Variants in CRY2 observed in about 807,000 individuals in gnomAD.
The protein encoded by CRY2 is cryptochrome circadian regulator 2.
A neutral mutation model predicts 69.5 loss-of-function variants in CRY2; 31 were observed. The ratio of observed to expected loss-of-function variants is 0.45; its 90% CI spans 0.34 to 0.60. The LOEUF (loss-of-function observed/expected upper bound fraction) is 0.60. Among genes scored for constraint, CRY2 ranks in the 20% least tolerant of loss-of-function variants. The pLI is 0.02. For synonymous variants in CRY2, 303 were observed against 312.2 expected (o/e 0.97, Z 0.31); for missense variants, 606 against 797.8 (o/e 0.76, Z 2.90).
At chr11:45,868,788 C>T (rs1255968250) in intron 6 of CRY2, among the ~76,000 whole-genome samples, 1 of 151,728 alleles carries the variant, frequency 6.6e-6, no homozygotes, top group East Asian at 1.9e-4. Flanking sequence ...TGCATGCCAC[C>T]ACACCTGGCT....
At chr11:45,877,756 T>G (rs1028109531) in intron 11 of CRY2, among the ~76,000 whole-genome samples, 3 of 152,202 alleles carry the variant, frequency 2.0e-5, no homozygotes, top group African/African-American at 4.8e-5. Context: ...CTCATTTGAT[T>G]TCCCCAGACC....
At chr11:45,856,170 C>G in intron 2 of CRY2, 80 bp downstream of exon 2, 1 of 1,165,776 alleles carries the variant, frequency 8.6e-7, no homozygotes, top group Non-Finnish European at 1.3e-6. Flanking sequence ...TATGATATTC[C>G]GACTGAGGGA....
intron 11 of CRY2, among the ~76,000 whole-genome samples, chr11:45,876,732 C>T (rs1371177818): frequency 6.6e-6 from 1 of 152,212 alleles, no homozygotes; most frequent in Non-Finnish European, 1.5e-5. Flanking sequence ...TAAAACCTGA[C>T]TTCTGGATTC....
chr11:45,864,768 T>A (rs991028732), intron 5 of CRY2, among the ~76,000 whole-genome samples: 2 of 152,006 alleles, frequency 1.3e-5, no homozygotes, highest in African/African-American at 2.4e-5. Context: ...CTTGGGAGGT[T>A]GAGGCACGAG....
At chr11:45,875,367 T>G (rs1334478250) in intron 11 of CRY2, among the ~76,000 whole-genome samples, 4 of 151,940 alleles carry the variant, frequency 2.6e-5, no homozygotes. Flanking sequence ...TCTTTGGGAG[T>G]GAAGAAACAT....
intron 11 of CRY2, among the ~76,000 whole-genome samples, chr11:45,873,477 A>T (rs2134648543): frequency 6.6e-6 from 1 of 152,322 alleles, no homozygotes; most frequent in East Asian, 1.9e-4. Flanking sequence ...TAGCTCTGTG[A>T]TACTAAGCAA....
intron 11 of CRY2, among the ~76,000 whole-genome samples, chr11:45,874,006 G>C (rs1355066130): frequency 2.0e-5 from 3 of 152,338 alleles, no homozygotes; most frequent in African/African-American, 7.2e-5. Context: ...TCTGGGCCGG[G>C]CGCAGTGGCT....
At chr11:45,873,009 C>T (rs551502572) in intron 11 of CRY2, among the ~76,000 whole-genome samples, 5 of 152,324 alleles carry the variant, frequency 3.3e-5, no homozygotes, top group East Asian at 3.9e-4. Flanking sequence ...TTGCCTTTTG[C>T]GGCCTCTCCT....
intron 3 of CRY2, among the ~76,000 whole-genome samples, chr11:45,860,047 C>A (rs1041432808): frequency 2.0e-5 from 3 of 152,164 alleles, no homozygotes; most frequent in Non-Finnish European, 4.4e-5. Flanking sequence ...ATGGGCCTTG[C>A]GTAAGCTACT....
At chr11:45,856,910 G>A (rs11038695) in intron 2 of CRY2, among the ~76,000 whole-genome samples, 8,733 of 151,940 alleles carry the variant, frequency 0.057, 359 homozygotes, top group Non-Finnish European at 0.081. Flanking sequence ...TTGCAGTAAC[G>A]GGGCCAGTCC....
At chr11:45,861,175 C>G (rs2086285323) in intron 4 of CRY2, 143 bp downstream of exon 4, 2 of 844,178 alleles carry the variant, frequency 2.4e-6, no homozygotes, top group Admixed American at 5.6e-5. Context: ...TATTACTCCA[C>G]CACCCAGAGG....
At chr11:45,866,366 G>A (rs1029127606) in intron 5 of CRY2, among the ~76,000 whole-genome samples, 2 of 152,202 alleles carry the variant, frequency 1.3e-5, no homozygotes, top group Non-Finnish European at 2.9e-5. Context: ...TGAGCCCTGG[G>A]TACCCACATT....
intron 6 of CRY2, chr11:45,867,985 CAGA>C (rs897974497): frequency 2.6e-5 from 14 of 535,972 alleles, no homozygotes; most frequent in Middle Eastern, 4.9e-4. Context: ...TCATGTAGAG[CAGA>C]AGGACAGGCA....
intron 11 of CRY2, 98 bp downstream of exon 11, chr11:45,872,331 T>C (rs1374379551): frequency 5.2e-6 from 6 of 1,157,662 alleles, no homozygotes; most frequent in Non-Finnish European, 6.3e-6. Flanking sequence ...GCAAACTAGA[T>C]GAAAATCTGG....
rs1476137011 is a variant in CRY2, at chr11:45,860,878, C to G, written c.498C>G (p.Pro166=). Reference sequence around the variant, plus strand: ...TTGAGCTGAATGGGCAGAAGCCACCCCTTACATACAAGCGCTTTCAGGCCA... The same window carrying G: ...TTGAGCTGAATGGGCAGAAGCCACCGCTTACATACAAGCGCTTTCAGGCCA... ...RIIELNGQKP[P]LTYKRFQAII... The change falls in exon 4 of 12, where the codon CCC becomes CCG. Residue 166 remains proline (P), a synonymous_variant. Transcript: ENST00000616080. 1.2e-6 allele frequency: 2 copies of G among 1,614,178 alleles called. No homozygotes were observed. The highest frequency in any genetic ancestry group is 1.7e-6 in the Non-Finnish European group (2 of 1,180,044).
At chr11:45,880,649 T>C (rs546198019) in intron 11 of CRY2, among the ~76,000 whole-genome samples, 2 of 152,258 alleles carry the variant, frequency 1.3e-5, no homozygotes, top group South Asian at 2.1e-4. Context: ...GTCCTCCTCC[T>C]CCTCTGCTGT....
At chr11:45,876,458 A>T (rs764984453) in intron 11 of CRY2, among the ~76,000 whole-genome samples, 1 of 152,232 alleles carries the variant, frequency 6.6e-6, no homozygotes, top group Non-Finnish European at 1.5e-5. Flanking sequence ...CTATTGTTTC[A>T]AATGGTTCCC....
chr11:45,867,582 T>C, intron 5 of CRY2, 30 bp from the exon 6 acceptor site: 1 of 1,613,840 alleles, frequency 6.2e-7, no homozygotes, highest in Non-Finnish European at 8.5e-7. Flanking sequence ...TCCAAGCCTT[T>C]CCTTTTGCCA....
intron 1 of CRY2, among the ~76,000 whole-genome samples, chr11:45,850,564 A>T (rs566647197): frequency 2.0e-5 from 3 of 152,294 alleles, no homozygotes; most frequent in Admixed American, 6.5e-5. Context: ...AGTTGAAGGC[A>T]GAGCTGCATT....
Sources: gnomAD v4.1 joint callset for allele counts (sites outside exome capture counted in the v4.1 genomes callset) on GRCh38, gnomAD v4.1.1 for gene constraint, MANE v1.5 for transcripts, NCBI Gene and HGNC (gene_info 2026-07-23, HGNC 2026-07-21) for gene names.